The following KCNH1 variants were observed in gnomAD, a reference collection of about 807,000 sequenced individuals.
KCNH1 encodes potassium voltage-gated channel subfamily H member 1.
In KCNH1, 27 loss-of-function variants were observed where a neutral mutation model predicts 69.2. The ratio of observed to expected loss-of-function variants is 0.39; its 90% CI spans 0.29 to 0.54. The LOEUF is 0.54. Among genes scored for constraint, KCNH1 ranks in the 20% least tolerant of loss-of-function variants. KCNH1 has a pLI of 0.68. For synonymous variants in KCNH1, 456 were observed against 487.7 expected, an observed-to-expected ratio of 0.93 and a Z score of 0.86; for missense variants, 798 against 1,261.6, an observed-to-expected ratio of 0.63 and a Z score of 5.57.
chr1:210,859,720 T>G (rs1685934084), intron 7 of KCNH1: 3 of 1,187,038 alleles, frequency 2.5e-6, no homozygotes, highest in Non-Finnish European at 3.8e-6. Flanking sequence ...TCCAGAAACC[T>G]GATTTAAACC....
At chr1:210,796,879 C>G (rs1197814904) in intron 9 of KCNH1, among the ~76,000 whole-genome samples, 3 of 152,146 alleles carry the variant, frequency 2.0e-5, no homozygotes. Context: ...GTACAAATCT[C>G]ATCATGCCTC....
At chr1:211,011,658 T>C (rs990258241) in intron 6 of KCNH1, among the ~76,000 whole-genome samples, 3 of 152,202 alleles carry the variant, frequency 2.0e-5, no homozygotes, top group African/African-American at 7.2e-5. Flanking sequence ...GGTTAATCAC[T>C]GCTTCCTGGA....
intron 6 of KCNH1, among the ~76,000 whole-genome samples, chr1:210,936,442 C>T (rs1443731773): frequency 6.6e-6 from 1 of 152,176 alleles, no homozygotes; most frequent in Non-Finnish European, 1.5e-5. Flanking sequence ...ATAGTAGAGA[C>T]TTTTCAAGCT....
At chr1:210,824,522 A>G (rs1210327841) in intron 7 of KCNH1, among the ~76,000 whole-genome samples, 1 of 152,154 alleles carries the variant, frequency 6.6e-6, no homozygotes, top group Non-Finnish European at 1.5e-5. Context: ...TTACATTGCC[A>G]AATCTTTTTA....
intron 7 of KCNH1, among the ~76,000 whole-genome samples, chr1:210,868,161 G>A (rs1001750402): frequency 2.6e-5 from 4 of 151,954 alleles, no homozygotes; most frequent in African/African-American, 9.7e-5. Context: ...TTCATATAGT[G>A]GGTATCTCAT....
intron 10 of KCNH1, among the ~76,000 whole-genome samples, chr1:210,739,545 G>T (rs1682966280): frequency 6.6e-6 from 1 of 152,212 alleles, no homozygotes; most frequent in Non-Finnish European, 1.5e-5. Flanking sequence ...AGGCCACCCT[G>T]AACATGCACT....
At chr1:210,803,230 G>A (rs1684464288) in intron 8 of KCNH1, among the ~76,000 whole-genome samples, 2 of 152,194 alleles carry the variant, frequency 1.3e-5, no homozygotes, top group South Asian at 4.1e-4. Flanking sequence ...AGCCTCCTGA[G>A]TAGTTGGAAC....
intron 5 of KCNH1, among the ~76,000 whole-genome samples, chr1:211,048,542 C>T (rs1487051132): frequency 6.6e-6 from 1 of 152,100 alleles, no homozygotes; most frequent in East Asian, 1.9e-4. Flanking sequence ...ACAGCATTTG[C>T]AGCAACCTGG....
chr1:211,113,370 T>C (rs1691507529), intron 1 of KCNH1, among the ~76,000 whole-genome samples: 1 of 152,226 alleles, frequency 6.6e-6, no homozygotes, highest in East Asian at 1.9e-4. Context: ...TTCTGCCTTC[T>C]GATATACAAT....
At chr1:210,847,135 C>T (rs1229139145) in intron 7 of KCNH1, among the ~76,000 whole-genome samples, 1 of 152,174 alleles carries the variant, frequency 6.6e-6, no homozygotes, top group Non-Finnish European at 1.5e-5. Flanking sequence ...TTTGGTGGGA[C>T]TGTAAACTAG....
intron 7 of KCNH1, among the ~76,000 whole-genome samples, chr1:210,825,898 AC>A (rs1255440764): frequency 6.6e-6 from 1 of 152,228 alleles, no homozygotes; most frequent in Non-Finnish European, 1.5e-5. Context: ...ATTTTGGAAG[AC>A]AAAAGTACAA....
intron 6 of KCNH1, among the ~76,000 whole-genome samples, chr1:211,014,603 A>C (rs1373147237): frequency 2.0e-5 from 3 of 152,118 alleles, no homozygotes; most frequent in Non-Finnish European, 4.4e-5. Flanking sequence ...GGGTGGCTCC[A>C]ATCTTTTCAC....
chr1:210,778,202 C>T (rs1008881355), intron 9 of KCNH1, among the ~76,000 whole-genome samples: 3 of 152,174 alleles, frequency 2.0e-5, no homozygotes, highest in African/African-American at 7.2e-5. Context: ...TGAGAACCAA[C>T]CAGCTGAGCT....
At chr1:211,068,831 A>G (rs999047896) in intron 5 of KCNH1, among the ~76,000 whole-genome samples, 2 of 152,240 alleles carry the variant, frequency 1.3e-5, no homozygotes, top group Non-Finnish European at 2.9e-5. Context: ...CTCCACAGGA[A>G]CCAGTGCTGG....
chr1:210,924,918 A>T (rs1687537302), intron 6 of KCNH1, among the ~76,000 whole-genome samples: 1 of 151,808 alleles, frequency 6.6e-6, no homozygotes, highest in Admixed American at 6.6e-5. Context: ...AAAAAAAAAA[A>T]TTTGGAGACT....
chr1:211,082,793 G>A lies in KCNH1; in HGVS notation c.545C>T (p.Ser182Phe), dbSNP rs1279355368. The A allele has an allele frequency of 6.2e-7, 1 of 1,613,792 alleles. No individual in the cohort carries two copies. Among genetic ancestry groups the A allele is most frequent in the South Asian group, 1.1e-5 (1 of 91,054 alleles). The change falls in exon 5 of 11, where the codon TCC becomes TTC. Residue 182 changes from serine (S) to phenylalanine (F), a missense_variant. Physicochemically the swap from Ser to Phe is radical, Grantham distance 155. Transcript: ENST00000271751. ...CTTTGCCCTTACCTCTGCCAGGCGG[G>A]AGTGCTTGTGGACATTCTCGCCTTT... ...VQKGENVHKH[S>F]RLAEVLQLGS... is the part of the protein sequence containing the mutation.
At chr1:210,704,686 T>C (rs1347031698) in intron 10 of KCNH1, among the ~76,000 whole-genome samples, 3 of 152,224 alleles carry the variant, frequency 2.0e-5, no homozygotes, top group African/African-American at 7.2e-5. Flanking sequence ...ACCCAAATGC[T>C]ATTCTCCTTT....
chr1:210,821,549 C>T (rs1684929578), intron 7 of KCNH1, among the ~76,000 whole-genome samples: 1 of 152,026 alleles, frequency 6.6e-6, no homozygotes. Flanking sequence ...GTGGTCCATG[C>T]AGCAACATCT....
chr1:211,129,063 GGAA>G (rs1196733449), intron 1 of KCNH1, among the ~76,000 whole-genome samples: 1 of 152,102 alleles, frequency 6.6e-6, no homozygotes, highest in Non-Finnish European at 1.5e-5. Context: ...GTGGAACAGT[GGAA>G]AATGAATTGT....
Sources: gnomAD v4.1 joint callset for allele counts (sites outside exome capture counted in the v4.1 genomes callset) on GRCh38, gnomAD v4.1.1 for gene constraint, MANE v1.5 for transcripts, NCBI Gene and HGNC (gene_info 2026-07-23, HGNC 2026-07-21) for gene names.